Variants in HCRTR2 observed in about 807,000 individuals in gnomAD.
The protein encoded by HCRTR2 is hypocretin receptor 2, also known as orexin receptor type 2.
Under a neutral mutation model 49.0 loss-of-function variants are expected in HCRTR2, and 22 were observed. That is an observed-to-expected ratio of 0.45 (90% CI 0.32 to 0.64). The LOEUF (loss-of-function observed/expected upper bound fraction) is 0.64, where lower values mean the gene tolerates loss of function less well. HCRTR2 is among the 30% of genes least tolerant of loss of function. The probability of loss-of-function intolerance (pLI) is 0.04; values close to 1 mark genes in which losing one functional copy is unlikely to be tolerated. For missense variants in HCRTR2, 491 were observed against 559.4 expected, an observed-to-expected ratio of 0.88 and a Z score of 1.23; for synonymous variants, 236 against 205.3, an observed-to-expected ratio of 1.15 and a Z score of -1.28.
upstream of HCRTR2, among the ~76,000 whole-genome samples, chr6:55,171,559 A>AT (rs1246966760): frequency 1.3e-5 from 2 of 152,340 alleles, no homozygotes; most frequent in South Asian, 4.1e-4. Context: ...CTTGCAAAAA[A>AT]GAAAACAAGT....
chr6:55,107,480 GTACT>G (rs976726675), intron 1 of HCRTR2, among the ~76,000 whole-genome samples: 3 of 151,932 alleles, frequency 2.0e-5, no homozygotes, highest in Non-Finnish European at 1.5e-5. Flanking sequence ...TAAGGCATAA[GTACT>G]TACTTACTAT....
chr6:55,235,297 A>G (rs914085913), intron 1 of HCRTR2, among the ~76,000 whole-genome samples: 2 of 152,106 alleles, frequency 1.3e-5, no homozygotes, highest in African/African-American at 4.8e-5. Context: ...CCAGTGATAC[A>G]TGATGGTTTG....
chr6:55,269,045 G>A (rs6912393), intron 4 of HCRTR2, among the ~76,000 whole-genome samples: 3,024 of 146,244 alleles, frequency 0.021, 114 homozygotes, highest in African/African-American at 0.071. Flanking sequence ...AACAGAGATC[G>A]TGCCACTGCA....
At chr6:55,187,411 CAAAAAAAAAAAAAAAAAAAAAAAA>C (rs57619664) in intron 1 of HCRTR2, among the ~76,000 whole-genome samples, 9 of 98,426 alleles carry the variant, frequency 9.1e-5, no homozygotes, top group African/African-American at 3.0e-4. Flanking sequence ...GACTCCGTCT[CAAAAAAAAAAAAAAAAAAAAAAAA>C]AAAAAAAAAA....
chr6:55,138,448 A>G (rs565045328), intron 1 of HCRTR2, among the ~76,000 whole-genome samples: 1 of 152,364 alleles, frequency 6.6e-6, no homozygotes, highest in Admixed American at 6.5e-5. Context: ...AGTTCCTTGA[A>G]TGTAAATCTC....
At chr6:55,205,403 C>T (rs1765583484) in intron 1 of HCRTR2, among the ~76,000 whole-genome samples, 1 of 151,934 alleles carries the variant, frequency 6.6e-6, no homozygotes, top group African/African-American at 2.4e-5. Flanking sequence ...TGAAATGTGT[C>T]AAGGAGAGAA....
chr6:55,155,025 G>A (rs1020447460), intron 1 of HCRTR2, among the ~76,000 whole-genome samples: 1 of 151,542 alleles, frequency 6.6e-6, no homozygotes, highest in Non-Finnish European at 1.5e-5. Flanking sequence ...TAACCAAGGA[G>A]GTGAAAGACT....
At chr6:55,141,353 AAAAAAGAAAAAG>A (rs1192265684) in intron 1 of HCRTR2, among the ~76,000 whole-genome samples, 1 of 152,074 alleles carries the variant, frequency 6.6e-6, no homozygotes, top group Non-Finnish European at 1.5e-5. Context: ...CAAAAGAAGA[AAAAAAGAAAAAG>A]AAAAAGAAAA....
rs77255211 is a variant in HCRTR2 at position 55,278,493 on chromosome 6, A to T, written c.983+893A>T. On this transcript the variant is annotated intron_variant, in intron 5 of 6. Coordinates refer to ENST00000370862, the MANE Select transcript of HCRTR2 (RefSeq NM_001384272.1). ...TGGCTGGAGTCAGAAGAAGTGGTATAATCAGCCGCAAAGGGTTCTCATTCT... is the reference window on the plus strand; with the variant it reads ...TGGCTGGAGTCAGAAGAAGTGGTATTATCAGCCGCAAAGGGTTCTCATTCT... 2.1e-3 allele frequency among the ~76,000 whole-genome samples: 317 copies of T among 152,244 alleles called. 2 individuals carry two copies. Among genetic ancestry groups the T allele is most frequent in the African/African-American group, 6.2e-3 (258 of 41,542 alleles).
At chr6:55,262,483 A>G (rs1170723739) in intron 3 of HCRTR2, among the ~76,000 whole-genome samples, 1 of 132,822 alleles carries the variant, frequency 7.5e-6, no homozygotes, top group African/African-American at 2.8e-5. Context: ...TATATAATAT[A>G]TAACTTATTA....
intron 1 of HCRTR2, among the ~76,000 whole-genome samples, chr6:55,164,281 C>T (rs1432587409): frequency 6.6e-6 from 1 of 152,116 alleles, no homozygotes; most frequent in East Asian, 1.9e-4. Context: ...TGGGCATATA[C>T]CCAAAGGATT....
At chr6:55,252,407 A>T (rs558401474) in intron 2 of HCRTR2, among the ~76,000 whole-genome samples, 2 of 152,290 alleles carry the variant, frequency 1.3e-5, no homozygotes, top group South Asian at 4.1e-4. Flanking sequence ...TTAATGGATT[A>T]TAAATTACTA....
chr6:55,210,575 G>C, intron 1 of HCRTR2, among the ~76,000 whole-genome samples: 1 of 152,092 alleles, frequency 6.6e-6, no homozygotes, highest in Non-Finnish European at 1.5e-5. Context: ...CCAGTCCACA[G>C]GGAGAACAAA....
chr6:55,267,120 G>A (rs753632373), intron 4 of HCRTR2, among the ~76,000 whole-genome samples: 1 of 152,058 alleles, frequency 6.6e-6, no homozygotes, highest in South Asian at 2.1e-4. Context: ...ATAGAATTCT[G>A]CTTGAGCAAC....
intron 1 of HCRTR2, among the ~76,000 whole-genome samples, chr6:55,212,442 G>A (rs1412087272): frequency 6.6e-6 from 1 of 152,142 alleles, no homozygotes; most frequent in African/African-American, 2.4e-5. Flanking sequence ...TGATTGGTAT[G>A]GAAGTGGACA....
At chr6:55,197,162 A>G (rs1765430889) in intron 1 of HCRTR2, among the ~76,000 whole-genome samples, 1 of 152,178 alleles carries the variant, frequency 6.6e-6, no homozygotes, top group African/African-American at 2.4e-5. Flanking sequence ...TTTTATCTCT[A>G]TACCCAACTG....
intron 1 of HCRTR2, among the ~76,000 whole-genome samples, chr6:55,240,145 CAGA>C (rs1050810736): frequency 3.0e-4 from 45 of 151,720 alleles, no homozygotes; most frequent in African/African-American, 1.0e-3. Flanking sequence ...ATCACGAGGT[CAGA>C]AGATCTAGAC....
At chr6:55,240,163 C>A (rs766240967) in intron 1 of HCRTR2, among the ~76,000 whole-genome samples, 12 of 151,644 alleles carry the variant, frequency 7.9e-5, no homozygotes, top group Non-Finnish European at 1.5e-4. Context: ...CTAGACCATC[C>A]TGGCTAACAC....
intron 1 of HCRTR2, among the ~76,000 whole-genome samples, chr6:55,164,391 T>C (rs949671779): frequency 2.6e-5 from 4 of 152,106 alleles, no homozygotes; most frequent in Non-Finnish European, 4.4e-5. Flanking sequence ...CCATCAATGA[T>C]AGACTAGATT....
Sources: allele counts gnomAD v4.1 joint callset (sites outside exome capture counted in the v4.1 genomes callset), GRCh38; gene constraint gnomAD v4.1.1; transcripts MANE v1.5; gene names NCBI Gene and HGNC (gene_info 2026-07-23, HGNC 2026-07-21).